The following NLGN4X variants were observed in gnomAD, a reference collection of about 807,000 sequenced individuals.
NLGN4X encodes the protein neuroligin-4, X-linked.
In NLGN4X, 3 loss-of-function variants were observed where a neutral mutation model predicts 40.3. That is an observed-to-expected ratio of 0.07 (90% CI 0.03 to 0.19). NLGN4X has a LOEUF of 0.19. Ranked by LOEUF, NLGN4X falls within the 10% of genes least tolerant of loss-of-function variation. The pLI is 1.00. For missense variants in NLGN4X, 382 were observed against 708.3 expected, an observed-to-expected ratio of 0.54 and a Z score of 5.23; for synonymous variants, 270 against 306.8, an observed-to-expected ratio of 0.88 and a Z score of 1.25.
At chrX:6,150,485 T>A (rs145089531) in intron 2 of NLGN4X, among the ~76,000 whole-genome samples, 3,984 of 111,806 alleles carry the variant, frequency 0.036, 70 homozygotes, top group Middle Eastern at 0.085. Flanking sequence ...AATCCAACCA[T>A]TGTATGAACT....
intron 2 of NLGN4X, among the ~76,000 whole-genome samples, chrX:6,119,325 ATATTT>A (rs906424140): frequency 2.7e-5 from 3 of 112,235 alleles, no homozygotes; most frequent in Non-Finnish European, 3.8e-5. Flanking sequence ...AATTAAACAG[ATATTT>A]TATGAGTTGA....
chrX:6,117,327 C>A (rs2039325454), intron 2 of NLGN4X, among the ~76,000 whole-genome samples: 1 of 111,129 alleles, frequency 9.0e-6, no homozygotes, highest in African/African-American at 3.3e-5. Flanking sequence ...CTCCTCTGAA[C>A]CTGAGCAGAC....
chrX:6,010,758 G>A (rs1295708470), intron 3 of NLGN4X, among the ~76,000 whole-genome samples: 6 of 110,027 alleles, frequency 5.5e-5, no homozygotes, highest in Non-Finnish European at 7.6e-5. Flanking sequence ...CAAACTCCTG[G>A]TCAAGTGATC....
At chrX:6,222,954 C>T (rs900274947) in intron 1 of NLGN4X, among the ~76,000 whole-genome samples, 3 of 111,624 alleles carry the variant, frequency 2.7e-5, no homozygotes, top group African/African-American at 9.8e-5. Flanking sequence ...CCTCTCCAGC[C>T]ATGCTGAACT....
chrX:5,907,370 A>G (rs1004711835), intron 4 of NLGN4X, among the ~76,000 whole-genome samples: 1 of 111,717 alleles, frequency 9.0e-6, no homozygotes, highest in African/African-American at 3.3e-5. Flanking sequence ...CGGATACTGC[A>G]GGGAGCCTCC....
At chrX:6,225,237 A>G (rs186751590) in intron 1 of NLGN4X, among the ~76,000 whole-genome samples, 40 of 107,547 alleles carry the variant, frequency 3.7e-4, no homozygotes, top group Middle Eastern at 4.7e-3. Context: ...TAATGCAACC[A>G]TGTGCCATTA....
chrX:6,091,666 C>G (rs1027560178), intron 2 of NLGN4X, among the ~76,000 whole-genome samples: 2 of 111,895 alleles, frequency 1.8e-5, no homozygotes, highest in Non-Finnish European at 3.8e-5. Flanking sequence ...TTCATTATTA[C>G]AACAGACAAC....
intron 3 of NLGN4X, among the ~76,000 whole-genome samples, chrX:5,995,931 A>G (rs781694888): frequency 5.4e-5 from 6 of 112,070 alleles, no homozygotes; most frequent in Non-Finnish European, 1.1e-4. Context: ...GTACGTATCC[A>G]TAAGTGCCAT....
chrX:6,036,658 C>G (rs2037018711), intron 2 of NLGN4X, among the ~76,000 whole-genome samples: 3 of 104,368 alleles, frequency 2.9e-5, no homozygotes, highest in East Asian at 6.2e-4. Context: ...CAAATAAAAC[C>G]TAGGTAGGCT....
At chrX:5,965,152 C>A (rs2034786910) in intron 3 of NLGN4X, among the ~76,000 whole-genome samples, 1 of 111,573 alleles carries the variant, frequency 9.0e-6, no homozygotes, top group Non-Finnish European at 1.9e-5. Flanking sequence ...GAAAGAGCAC[C>A]AAAACCTGTC....
chrX:6,184,552 G>T (rs1921823253), intron 1 of NLGN4X, among the ~76,000 whole-genome samples: 1 of 106,270 alleles, frequency 9.4e-6, no homozygotes, highest in Non-Finnish European at 1.9e-5. Flanking sequence ...GGGGGGGTGG[G>T]GAATCTCTTA....
At chrX:5,913,114 T>G (rs1276579063) in intron 3 of NLGN4X, among the ~76,000 whole-genome samples, 2 of 110,452 alleles carry the variant, frequency 1.8e-5, no homozygotes, top group Non-Finnish European at 3.8e-5. Context: ...AAGGCAGGCA[T>G]TTTCCTGGCA....
In NLGN4X at chrX:5,892,947, A is replaced by G. The variant is rs768321834; in HGVS notation, c.2321T>C (p.Met774Thr). 9.9e-6 allele frequency: 12 copies of G among 1,209,544 alleles called. No individual in the cohort carries two copies. The highest frequency in any genetic ancestry group is 5.9e-5 in the East Asian group (2 of 33,731). Residue 774 changes from methionine to threonine, a missense_variant, in exon 6 of 6, where the codon ATG (methionine) becomes ACG (threonine). Met to Thr is a moderately conservative substitution (Grantham distance 81). Transcript: ENST00000381095. ...AATCATGGTGATGGTGTTTGGCGTC[A>G]TAAGTGGGATGTCATCTGGCGACCG... ...LRRSPDDIPLMTPNTITMIPN... is the reference protein window; with the variant it reads ...LRRSPDDIPLTTPNTITMIPN...
At chrX:6,114,965 TC>T (rs1349860416) in intron 2 of NLGN4X, among the ~76,000 whole-genome samples, 1 of 112,503 alleles carries the variant, frequency 8.9e-6, no homozygotes, top group African/African-American at 3.2e-5. Context: ...CACCATATCT[TC>T]AATTGTTATA....
At chrX:5,912,962 AGGAGGGAGGGAGGGAGAG>A (rs2032568459) in intron 3 of NLGN4X, among the ~76,000 whole-genome samples, 1 of 27,740 alleles carries the variant, frequency 3.6e-5, no homozygotes, top group Non-Finnish European at 6.2e-5. Context: ...GAGGGAGGGA[AGGAGGGAGGGAGGGAGAG>A]CAGGAGGAAG....
rs765350877 is a variant in NLGN4X, at chrX:5,900,724, C to T, written c.1601+2353G>A. ...GAGAAGCTGAGACTCTCGGCATATG[C>T]TACCATGCACAGCTAAATTTTTTCA... On this transcript the variant is annotated intron_variant, in intron 5 of 5. Transcript: ENST00000381095. 4.6e-5 allele frequency among the ~76,000 whole-genome samples: 5 copies of T among 108,291 alleles called. No homozygotes were observed. In the East Asian group the frequency reaches 1.5e-3, roughly 32 times the overall value. 94.0% of individuals were successfully genotyped at this position (108,291 alleles called of 115,157 possible).
rs757852859 is a variant in NLGN4X at position 5,952,459 on chromosome X, G to GT, written c.626-43221dup. The stretch of plus-strand genomic sequence containing the variant: ...CCTCTATGGCTGCTTCTCATTTCCT[G>GT]TATCTATTGCCTATTTTTATATGAG... On this transcript the variant is annotated intron_variant, in intron 3 of 5. Transcript: ENST00000381095. Among the ~76,000 whole-genome samples, 84 of 110,077 alleles carry GT rather than the reference G, an allele frequency of 7.6e-4. No individual in the cohort carries two copies. In the East Asian group the frequency reaches 9.4e-3, roughly 12 times the overall value.
At chrX:6,194,296 G>T (rs750924888) in intron 1 of NLGN4X, among the ~76,000 whole-genome samples, 10 of 112,188 alleles carry the variant, frequency 8.9e-5, no homozygotes, top group African/African-American at 3.2e-4. Flanking sequence ...CATCTCCATT[G>T]GATCAGTTAT....
chrX:6,212,782 T>A (rs1378187587), intron 1 of NLGN4X, among the ~76,000 whole-genome samples: 1 of 111,270 alleles, frequency 9.0e-6, no homozygotes, highest in Non-Finnish European at 1.9e-5. Context: ...TACCATTGAG[T>A]CCCCTCATTT....
Sources: allele counts gnomAD v4.1 joint callset (sites outside exome capture counted in the v4.1 genomes callset), GRCh38; gene constraint gnomAD v4.1.1; transcripts MANE v1.5; gene names NCBI Gene and HGNC (gene_info 2026-07-23, HGNC 2026-07-21).